ARMC9: variants seen among roughly 807,000 people sequenced by gnomAD.
ARMC9 encodes lisH domain-containing protein ARMC9.
ARMC9 carries 94 observed loss-of-function variants against 107.0 expected under a neutral mutation model. The observed-to-expected ratio is 0.88, with a 90% CI of 0.74 to 1.04. ARMC9 has a LOEUF of 1.04. Ranked by LOEUF, ARMC9 falls within the 50% of genes least tolerant of loss-of-function variation. ARMC9 has a pLI of 0.00. For missense variants in ARMC9, 942 were observed against 1,030.1 expected, an observed-to-expected ratio of 0.91 and a Z score of 1.17; for synonymous variants, 380 against 396.9, an observed-to-expected ratio of 0.96 and a Z score of 0.51.
intron 17 of ARMC9, among the ~76,000 whole-genome samples, chr2:231,287,250 T>C (rs181251590): frequency 6.6e-6 from 1 of 152,324 alleles, no homozygotes; most frequent in African/African-American, 2.4e-5. Flanking sequence ...GGCTGGGTGC[T>C]GCTGCTCCCC....
intron 13 of ARMC9, among the ~76,000 whole-genome samples, chr2:231,272,246 A>G (rs1465445715): frequency 7.2e-6 from 1 of 138,082 alleles, no homozygotes; most frequent in Non-Finnish European, 1.5e-5. Context: ...ACTGGAGTAC[A>G]GTGGCATGAT....
chr2:231,370,742 CCTTCCAGCCT>C, intron 24 of ARMC9: 1 of 210,230 alleles, frequency 4.8e-6, no homozygotes, highest in East Asian at 1.6e-4. Flanking sequence ...TTCTCTGTCC[CCTTCCAGCCT>C]CTGCCAATTG....
chr2:231,264,323 C>T (rs990363167), intron 12 of ARMC9, among the ~76,000 whole-genome samples: 12 of 151,768 alleles, frequency 7.9e-5, no homozygotes, highest in South Asian at 2.1e-4. Context: ...GGATTACAGG[C>T]GCCCGCCACC....
intron 4 of ARMC9, chr2:231,215,291 G>A (rs557970228): frequency 6.8e-6 from 2 of 293,650 alleles, no homozygotes; most frequent in Non-Finnish European, 6.4e-6. Flanking sequence ...GTATGTAGGC[G>A]TGTATGTCTA....
intron 3 of ARMC9, among the ~76,000 whole-genome samples, chr2:231,214,319 G>A (rs1427386345): frequency 6.6e-6 from 1 of 152,182 alleles, no homozygotes. Flanking sequence ...CTAGCAATGG[G>A]GCAAGTGGCA....
At chr2:231,366,311 C>T (rs1209646309) in intron 23 of ARMC9, among the ~76,000 whole-genome samples, 1 of 152,164 alleles carries the variant, frequency 6.6e-6, no homozygotes, top group Non-Finnish European at 1.5e-5. Flanking sequence ...TTTAAATGTT[C>T]ATCTTGTCCA....
At position 231,374,104 on chromosome 2, in the gene ARMC9, C is replaced by T. The variant is rs2046123617; in HGVS notation, c.*2569C>T. 6.6e-6 allele frequency: 1 copy of T among 152,172 alleles called. No homozygotes were observed. The highest frequency in any genetic ancestry group is 6.5e-5 in the Admixed American group (1 of 15,278). 9.4% of individuals were successfully genotyped at this position (152,172 alleles called of 1,614,324 possible). ...CACAAATATTCCAACTATCTACCAG[C>T]TCCAATGAGCTTGCTGAGGATGGGT... On this transcript the variant is annotated 3_prime_UTR_variant, in exon 25 of 25. Coordinates refer to ENST00000611582, the MANE Select transcript of ARMC9 (RefSeq NM_001352754.2).
At chr2:231,330,867 T>C (rs935480418) in intron 19 of ARMC9, among the ~76,000 whole-genome samples, 3 of 152,166 alleles carry the variant, frequency 2.0e-5, no homozygotes, top group Admixed American at 6.5e-5. Flanking sequence ...TTTTTTTGTT[T>C]TCACCATTGA....
chr2:231,222,731 T>G lies in ARMC9; in HGVS notation c.508T>G (p.Ser170Ala), dbSNP rs138398575. 440 of 1,525,092 alleles carry G rather than the reference T, an allele frequency of 2.9e-4. 2 individuals are homozygous for G. The African/African-American group carries it at 5.6e-3, about 19-fold the overall frequency. 94.5% of individuals were successfully genotyped at this position (1,525,092 alleles called of 1,614,324 possible). The change falls in exon 6 of 25, where the codon TCC (serine) becomes GCC (alanine). Residue 170 changes from serine (S) to alanine (A), a missense_variant. Ser to Ala is a moderately conservative substitution (Grantham distance 99, BLOSUM62 1). Coordinates refer to ENST00000611582, the MANE Select transcript of ARMC9 (RefSeq NM_001352754.2). ...HPSFKELFQD[S>A]WTPELKLKLI... ...TTTTGTTCCCTTTTTTCTTTAGGAT[T>G]CCTGGACTCCAGAGTTAAAGTTGAA... is the stretch of plus-strand genomic sequence containing the variant.
chr2:231,247,207 G>A (rs1034396652), intron 9 of ARMC9, among the ~76,000 whole-genome samples: 19 of 152,090 alleles, frequency 1.2e-4, no homozygotes, highest in African/African-American at 3.1e-4. Flanking sequence ...CACCTGCCTC[G>A]GCCTCCCAAA....
At chr2:231,327,691 C>T (rs2043421203) in intron 19 of ARMC9, among the ~76,000 whole-genome samples, 1 of 152,136 alleles carries the variant, frequency 6.6e-6, no homozygotes, top group Admixed American at 6.6e-5. Flanking sequence ...GGGATAAATG[C>T]CCAGGAGTAT....
At chr2:231,260,022 A>T (rs144516587) in intron 11 of ARMC9, among the ~76,000 whole-genome samples, 1 of 152,310 alleles carries the variant, frequency 6.6e-6, no homozygotes, top group South Asian at 2.1e-4. Context: ...AACCCTGAAG[A>T]TTTGAAATAT....
chr2:231,239,860 C>G, intron 8 of ARMC9, 83 bp from the exon 9 acceptor site: 2 of 1,146,690 alleles, frequency 1.7e-6, no homozygotes, highest in Admixed American at 3.7e-5. Flanking sequence ...GTTGAGAGAC[C>G]ACTCTAACAA....
chr2:231,206,127 C>T, intron 1 of ARMC9, 71 bp from the exon 2 acceptor site: 1 of 958,502 alleles, frequency 1.0e-6, no homozygotes, highest in Admixed American at 1.8e-5. Flanking sequence ...ATTCTGCTCA[C>T]CACAACCACC....
At chr2:231,200,716 C>T (rs1269741975) in intron 1 of ARMC9, among the ~76,000 whole-genome samples, 3 of 151,536 alleles carry the variant, frequency 2.0e-5, no homozygotes, top group African/African-American at 7.3e-5. Flanking sequence ...ATGCCTATAA[C>T]CCCAGCTACT....
intron 7 of ARMC9, among the ~76,000 whole-genome samples, chr2:231,232,806 A>C (rs1470759088): frequency 6.6e-6 from 1 of 152,160 alleles, no homozygotes; most frequent in Non-Finnish European, 1.5e-5. Flanking sequence ...TGGATGTTGA[A>C]TAATAATAAT....
intron 21 of ARMC9, among the ~76,000 whole-genome samples, chr2:231,349,637 C>T (rs1323163148): frequency 6.6e-6 from 1 of 152,014 alleles, no homozygotes; most frequent in Non-Finnish European, 1.5e-5. Context: ...CAAAAATTAA[C>T]CAGGTGCGGT....
intron 12 of ARMC9, among the ~76,000 whole-genome samples, chr2:231,268,554 C>T (rs1046502374): frequency 2.0e-5 from 3 of 152,078 alleles, no homozygotes; most frequent in Admixed American, 6.6e-5. Context: ...CCCATATTAT[C>T]TTATTTCTTG....
At chr2:231,366,448 G>A (rs2045820468) in intron 23 of ARMC9, among the ~76,000 whole-genome samples, 1 of 152,102 alleles carries the variant, frequency 6.6e-6, no homozygotes, top group Non-Finnish European at 1.5e-5. Context: ...TTATAATCCT[G>A]GCACTGTGGG....
Sources: gnomAD v4.1 joint callset for allele counts (sites outside exome capture counted in the v4.1 genomes callset) on GRCh38, gnomAD v4.1.1 for gene constraint, MANE v1.5 for transcripts, NCBI Gene and HGNC (gene_info 2026-07-23, HGNC 2026-07-21) for gene names.